The following MTCL3 variants were observed in gnomAD, a reference collection of about 807,000 sequenced individuals.
The protein encoded by MTCL3 is MTCL family member 3.
At chr6:127,485,340 A>C in the MTCL3 span, among the ~76,000 whole-genome samples, 5 of 152,154 alleles carry the variant, frequency 3.3e-5, no homozygotes, top group East Asian at 9.6e-4. Context: ...CAGAAATTCC[A>C]TATGGGTGTT....
chr6:127,517,942 C>T, the MTCL3 span, among the ~76,000 whole-genome samples: 1 of 152,252 alleles, frequency 6.6e-6, no homozygotes, highest in African/African-American at 2.4e-5. Flanking sequence ...GATTACTTTA[C>T]TGCCAGTTAT....
the MTCL3 span, among the ~76,000 whole-genome samples, chr6:127,488,956 C>T: frequency 6.6e-6 from 1 of 152,172 alleles, no homozygotes; most frequent in Non-Finnish European, 1.5e-5. Context: ...ATATAAAGCA[C>T]AGGCATACCT....
the MTCL3 span, among the ~76,000 whole-genome samples, chr6:127,504,717 G>A: frequency 6.6e-6 from 1 of 152,134 alleles, no homozygotes; most frequent in African/African-American, 2.4e-5. Context: ...CACATACAAA[G>A]GCCAAGTAAT....
chr6:127,485,099 CT>C, the MTCL3 span, among the ~76,000 whole-genome samples: 1 of 152,182 alleles, frequency 6.6e-6, no homozygotes, highest in Non-Finnish European at 1.5e-5. Flanking sequence ...GTAACAATAA[CT>C]TCAGACCTTG....
chr6:127,513,524 G>C, the MTCL3 span, among the ~76,000 whole-genome samples: 1 of 152,230 alleles, frequency 6.6e-6, no homozygotes, highest in Non-Finnish European at 1.5e-5. Flanking sequence ...GTTTTTACAA[G>C]TAGTGGGTTG....
the MTCL3 span, among the ~76,000 whole-genome samples, chr6:127,500,901 T>A: frequency 6.6e-6 from 1 of 152,174 alleles, no homozygotes; most frequent in Non-Finnish European, 1.5e-5. Flanking sequence ...AACCTCCACC[T>A]CCTGGGTTCA....
the MTCL3 span, chr6:127,514,780 C>G: frequency 6.4e-7 from 1 of 1,555,318 alleles, no homozygotes; most frequent in Admixed American, 1.7e-5. Flanking sequence ...AAGTCCCCAC[C>G]CACCGCCCCT....
the MTCL3 span, among the ~76,000 whole-genome samples, chr6:127,477,336 A>G: frequency 1.3e-5 from 2 of 152,174 alleles, no homozygotes; most frequent in Non-Finnish European, 2.9e-5. Context: ...CTAAATTGAA[A>G]AGTACAAAAG....
At chr6:127,478,259 G>A in the MTCL3 span, among the ~76,000 whole-genome samples, 2 of 152,214 alleles carry the variant, frequency 1.3e-5, no homozygotes, top group Admixed American at 1.3e-4. Flanking sequence ...AGCAAGGATA[G>A]AGAATGAATA....
At chr6:127,492,543 C>T in the MTCL3 span, among the ~76,000 whole-genome samples, 2 of 152,092 alleles carry the variant, frequency 1.3e-5, no homozygotes, top group Non-Finnish European at 2.9e-5. Flanking sequence ...ATTTTTAAGA[C>T]GGAGTCTCAC....
the MTCL3 span, among the ~76,000 whole-genome samples, chr6:127,481,867 T>A: frequency 6.6e-6 from 1 of 152,170 alleles, no homozygotes; most frequent in Admixed American, 6.5e-5. Context: ...TGGCACAAGA[T>A]ACAGGTCATA....
chr6:127,475,360 A>C, the MTCL3 span: 2 of 1,613,188 alleles, frequency 1.2e-6, no homozygotes, highest in Non-Finnish European at 1.7e-6. This position sits in a 1 kb window ranked among gnomAD's most constrained non-coding sequence, Gnocchi z 7.3. Context: ...GAGGCGGTCG[A>C]TGAAGGTCTG....
At chr6:127,475,617 C>A in the MTCL3 span, 1 of 1,599,962 alleles carries the variant, frequency 6.3e-7, no homozygotes, top group Admixed American at 1.7e-5. The surrounding 1 kb of genome is among the most constrained non-coding windows in gnomAD (Gnocchi z 7.3). Flanking sequence ...TGGGCCAGGG[C>A]CCGGGCGCCG....
At chr6:127,475,228 C>G in the MTCL3 span, 2 of 1,505,970 alleles carry the variant, frequency 1.3e-6, no homozygotes, top group African/African-American at 1.4e-5. This position sits in a 1 kb window ranked among gnomAD's most constrained non-coding sequence, Gnocchi z 7.3. Context: ...CGAGACGCCC[C>G]CCAGGGACGC....
chr6:127,517,882 G>A, the MTCL3 span: 10 of 152,340 alleles, frequency 6.6e-5, no homozygotes, highest in African/African-American at 2.4e-4. Context: ...AAAGGGGCAT[G>A]ACTAGGCATA....
At chr6:127,473,656 CA>C in the MTCL3 span, among the ~76,000 whole-genome samples, 1 of 152,132 alleles carries the variant, frequency 6.6e-6, no homozygotes, top group Non-Finnish European at 1.5e-5. Context: ...CATAGCAAAG[CA>C]GAGCAACATG....
chr6:127,494,672 C>G, the MTCL3 span, among the ~76,000 whole-genome samples: 1 of 152,150 alleles, frequency 6.6e-6, no homozygotes, highest in Non-Finnish European at 1.5e-5. Context: ...TTAACTCTTT[C>G]ATCATTGTAG....
At chr6:127,475,770 G>A in the MTCL3 span, 1 of 1,607,828 alleles carries the variant, frequency 6.2e-7, no homozygotes, top group Non-Finnish European at 8.5e-7. The surrounding 1 kb of genome is among the most constrained non-coding windows in gnomAD (Gnocchi z 7.3). Context: ...CGCTCTCGGC[G>A]TCGCTGTCGC....
chr6:127,507,861 A>AAG, the MTCL3 span, among the ~76,000 whole-genome samples: 1 of 147,484 alleles, frequency 6.8e-6, no homozygotes, highest in Non-Finnish European at 1.5e-5. Context: ...AAAAAAAAAA[A>AAG]AAAAAAAAAG....
Sources: allele counts gnomAD v4.1 joint callset (sites outside exome capture counted in the v4.1 genomes callset), GRCh38; gene constraint gnomAD v4.1.1; non-coding constraint Gnocchi (gnomAD v3.1); transcripts MANE v1.5; gene names NCBI Gene and HGNC (gene_info 2026-07-23, HGNC 2026-07-21).